TRIO: variants seen among roughly 807,000 people sequenced by gnomAD.
The protein encoded by TRIO is trio Rho guanine nucleotide exchange factor.
A neutral mutation model predicts 351.9 loss-of-function variants in TRIO; 58 were observed. The ratio of observed to expected loss-of-function variants is 0.16; its 90% confidence interval spans 0.13 to 0.21. TRIO has a LOEUF of 0.21. Ranked by LOEUF, TRIO falls within the 10% of genes least tolerant of loss-of-function variation. The probability of loss-of-function intolerance (pLI) is 1.00; values close to 1 mark genes in which losing one functional copy is unlikely to be tolerated. For missense variants in TRIO, 3,201 were observed against 4,027.8 expected (o/e 0.79, Z 5.56); for synonymous variants, 1,758 against 1,595.7 (o/e 1.10, Z -2.42).
intron 33 of TRIO, among the ~76,000 whole-genome samples, chr5:14,414,870 C>T (rs764811514): frequency 5.3e-5 from 8 of 152,170 alleles, no homozygotes; most frequent in Non-Finnish European, 8.8e-5. Context: ...CCCGAGTCTC[C>T]GTGAAGTTGC....
At chr5:14,381,779 T>C (rs1203415008) in intron 21 of TRIO, among the ~76,000 whole-genome samples, 1 of 152,194 alleles carries the variant, frequency 6.6e-6, no homozygotes, top group Non-Finnish European at 1.5e-5. Context: ...TGTTCAGAGG[T>C]GTCTAAAACT....
At chr5:14,376,693 C>A (rs754041223) in intron 19 of TRIO, among the ~76,000 whole-genome samples, 3 of 152,210 alleles carry the variant, frequency 2.0e-5, no homozygotes, top group Admixed American at 6.5e-5. Flanking sequence ...TTCTAACCAG[C>A]GCTTCAGTGT....
chr5:14,263,726 A>G (rs1018978075), intron 1 of TRIO, among the ~76,000 whole-genome samples: 2 of 151,996 alleles, frequency 1.3e-5, no homozygotes, highest in Non-Finnish European at 2.9e-5. Flanking sequence ...GCATCACAGA[A>G]CCCTATATGT....
At chr5:14,292,943 C>T (rs970353709) in intron 5 of TRIO, 69 bp from the exon 6 acceptor site, 29 of 1,606,820 alleles carry the variant, frequency 1.8e-5, no homozygotes, top group Non-Finnish European at 2.5e-5. Context: ...GGTACTGCCC[C>T]ATCTGTGGGC....
chr5:14,211,281 G>T (rs1791875836), intron 1 of TRIO, among the ~76,000 whole-genome samples: 1 of 152,132 alleles, frequency 6.6e-6, no homozygotes, highest in African/African-American at 2.4e-5. Context: ...GATGTAAAAA[G>T]CTTAGCTGTT....
intron 34 of TRIO, among the ~76,000 whole-genome samples, chr5:14,456,802 C>T (rs143234430): frequency 2.9e-4 from 44 of 152,290 alleles, no homozygotes; most frequent in African/African-American, 3.9e-4. Flanking sequence ...ATTTAAAATT[C>T]GCATCAAAGT....
At chr5:14,262,049 G>A (rs369805477) in intron 1 of TRIO, among the ~76,000 whole-genome samples, 18 of 152,186 alleles carry the variant, frequency 1.2e-4, no homozygotes, top group African/African-American at 4.3e-4. Context: ...AGAGTACCAC[G>A]TGTTTGCTAT....
chr5:14,280,464 A>G lies in TRIO; in HGVS notation c.347+28A>G, dbSNP rs1388961771. 3.2e-6 allele frequency: 5 copies of G among 1,579,096 alleles called. No individual in the cohort carries two copies. The African/African-American group carries it at 6.7e-5, about 21-fold the overall frequency. On this transcript the variant is annotated intron_variant, in intron 3 of 56. Coordinates refer to ENST00000344204, the MANE Select transcript of TRIO (RefSeq NM_007118.4). ...AAGTTCTGTGTGGCTTGTGCTTGTC[A>G]CTGATGTCACATTTACAAGAGATGT...
At chr5:14,444,247 G>C (rs1446816190) in intron 34 of TRIO, among the ~76,000 whole-genome samples, 1 of 152,104 alleles carries the variant, frequency 6.6e-6, no homozygotes, top group Admixed American at 6.5e-5. Flanking sequence ...TATCCAAGTG[G>C]ATGAACAGTA....
At chr5:14,312,240 C>G (rs1733063142) in intron 8 of TRIO, among the ~76,000 whole-genome samples, 1 of 152,166 alleles carries the variant, frequency 6.6e-6, no homozygotes, top group South Asian at 2.1e-4. Context: ...AGTCTATGTG[C>G]AGTTCTGATG....
intron 49 of TRIO, 27 bp from the exon 50 acceptor site, chr5:14,496,852 T>A (rs1756928330): frequency 6.2e-6 from 10 of 1,612,022 alleles, no homozygotes; most frequent in Non-Finnish European, 8.5e-6. Context: ...AAAGGCATAA[T>A]ACCCACAGTG....
intron 41 of TRIO, 123 bp downstream of exon 41, chr5:14,477,086 A>C (rs1033318004): frequency 6.8e-5 from 55 of 813,482 alleles, no homozygotes; most frequent in Non-Finnish European, 9.3e-5. Context: ...ATAAAATCAA[A>C]CTGCATGGTG....
At chr5:14,206,280 T>C (rs1791452168) in intron 1 of TRIO, among the ~76,000 whole-genome samples, 1 of 152,156 alleles carries the variant, frequency 6.6e-6, no homozygotes, top group Non-Finnish European at 1.5e-5. Context: ...TGGCTGGTCT[T>C]GAACTACTGG....
At chr5:14,235,331 CA>C (rs1793698498) in intron 1 of TRIO, among the ~76,000 whole-genome samples, 1 of 152,074 alleles carries the variant, frequency 6.6e-6, no homozygotes, top group South Asian at 2.1e-4. Context: ...GAGATCCAAA[CA>C]AAAATTTAGG....
chr5:14,287,076 G>A lies in TRIO; in HGVS notation c.540+13G>A, dbSNP rs746301334. 81 of 1,612,796 alleles carry A rather than the reference G, an allele frequency of 5.0e-5. No individual in the cohort carries two copies. The highest frequency in any genetic ancestry group is 2.6e-4 in the South Asian group (24 of 90,868). ...ATTTGAATTTGAGGTAACTTCCCCC[G>A]TGTGGCTAGACCCACTAAACAAGTT... On this transcript the variant is annotated intron_variant, in intron 4 of 56. Coordinates refer to ENST00000344204, the MANE Select transcript of TRIO (RefSeq NM_007118.4).
At chr5:14,400,403 G>A (rs1028062628) in intron 30 of TRIO, among the ~76,000 whole-genome samples, 2 of 152,292 alleles carry the variant, frequency 1.3e-5, no homozygotes, top group Middle Eastern at 3.4e-3. Flanking sequence ...GGGAGGGGCT[G>A]AAGCTATTGA....
intron 33 of TRIO, among the ~76,000 whole-genome samples, chr5:14,411,966 TG>T: frequency 6.6e-6 from 1 of 151,280 alleles, no homozygotes; most frequent in South Asian, 2.1e-4. Context: ...AGGTTCTATG[TG>T]TTGTTTTTTT....
intron 9 of TRIO, among the ~76,000 whole-genome samples, chr5:14,329,484 C>G (rs1325916711): frequency 6.6e-6 from 1 of 152,198 alleles, no homozygotes; most frequent in East Asian, 1.9e-4. Context: ...AGGAACAAGC[C>G]TTCACCAGTC....
chr5:14,313,586 C>G (rs1222657779), intron 8 of TRIO, among the ~76,000 whole-genome samples: 4 of 151,166 alleles, frequency 2.6e-5, no homozygotes, highest in Admixed American at 2.6e-4. Flanking sequence ...GGCTTTCTCC[C>G]TGTGTAAAAG....
Sources: allele counts gnomAD v4.1 joint callset (sites outside exome capture counted in the v4.1 genomes callset), GRCh38; gene constraint gnomAD v4.1.1; transcripts MANE v1.5; gene names NCBI Gene and HGNC (gene_info 2026-07-23, HGNC 2026-07-21).